The following PCDH17 variants were observed in gnomAD, a reference collection of about 807,000 sequenced individuals.
PCDH17 encodes protocadherin-17.
A neutral mutation model predicts 67.7 loss-of-function variants in PCDH17; 21 were observed. That is an observed-to-expected ratio of 0.31 (90% CI 0.22 to 0.45). The LOEUF is 0.45. PCDH17 is among the 20% of genes least tolerant of loss of function. The pLI, the probability that PCDH17 is intolerant of heterozygous loss-of-function variation, is 1.00. For synonymous variants in PCDH17, 701 were observed against 656.7 expected (o/e 1.07, Z -1.03); for missense variants, 1,471 against 1,564.8 (o/e 0.94, Z 1.01).
intron 3 of PCDH17, among the ~76,000 whole-genome samples, chr13:57,668,806 T>C (rs1207896209): frequency 6.6e-6 from 1 of 152,216 alleles, no homozygotes; most frequent in East Asian, 1.9e-4. Flanking sequence ...GAATTATGTG[T>C]AAAAGACTGG....
intron 3 of PCDH17, among the ~76,000 whole-genome samples, chr13:57,686,583 A>G (rs1177817146): frequency 6.6e-6 from 1 of 151,970 alleles, no homozygotes; most frequent in Non-Finnish European, 1.5e-5. Flanking sequence ...TGAAGGTTTG[A>G]GGTAGTTTGC....
intron 3 of PCDH17, among the ~76,000 whole-genome samples, chr13:57,707,545 C>A (rs988962767): frequency 6.6e-6 from 1 of 152,042 alleles, no homozygotes; most frequent in African/African-American, 2.4e-5. Context: ...TCTAAAGCCA[C>A]TTCTACATTT....
intron 1 of PCDH17, among the ~76,000 whole-genome samples, chr13:57,649,303 A>C (rs1273628683): frequency 6.6e-6 from 1 of 152,140 alleles, no homozygotes; most frequent in Non-Finnish European, 1.5e-5. Flanking sequence ...GAAATGGAAA[A>C]AGGAGAATCC....
intron 3 of PCDH17, among the ~76,000 whole-genome samples, chr13:57,680,064 C>A (rs74079916): frequency 1.9e-3 from 287 of 151,290 alleles, no homozygotes; most frequent in African/African-American, 6.5e-3. Flanking sequence ...TGTTTGCCTT[C>A]AAAGTGTTTT....
At chr13:57,648,634 C>G (rs992216888) in intron 1 of PCDH17, among the ~76,000 whole-genome samples, 1 of 151,978 alleles carries the variant, frequency 6.6e-6, no homozygotes, top group African/African-American at 2.4e-5. Context: ...TGTTCAACTT[C>G]ATTAACATTT....
Position 57,641,570 on chromosome 13 carries a change from AAAAAAAAAAAAAAAAAAAT to A in PCDH17, c.2565+6461_2565+6479del, listed in dbSNP as rs1476025915. ...ACAGTGTTTGAGAGAAAAAAAAAAA[AAAAAAAAAAAAAAAAAAAT>A]ATATATATATATATATATATATATA... On this transcript the variant is annotated intron_variant, in intron 1 of 3. Coordinates refer to ENST00000377918, the MANE Select transcript of PCDH17 (RefSeq NM_001040429.3). Among the ~76,000 whole-genome samples the A allele has an allele frequency of 3.2e-4, 8 of 25,198 alleles. No homozygotes were observed. In the South Asian group the frequency reaches 6.6e-3, roughly 21 times the overall value. 16.5% of individuals were successfully genotyped at this position (25,198 alleles called of 152,430 possible).
intron 3 of PCDH17, among the ~76,000 whole-genome samples, chr13:57,695,579 A>G (rs1263548862): frequency 2.0e-5 from 3 of 151,290 alleles, no homozygotes; most frequent in South Asian, 2.1e-4. Context: ...AGCTATTTTA[A>G]TGAAAATCAA....
In PCDH17 at chr13:57,634,921, C is replaced by G. The variant is rs765041030; in HGVS notation, c.2375C>G (p.Ala792Gly). 6.2e-7 allele frequency: 1 copy of G among 1,613,866 alleles called. No individual in the cohort carries two copies. Among genetic ancestry groups the G allele is most frequent in the Admixed American group, 1.7e-5 (1 of 60,014 alleles). ...VMNVVSSPSLATSPMYFDYQT... is the reference protein window; with the variant it reads ...VMNVVSSPSLGTSPMYFDYQT... ...AACGTGGTGAGCAGCCCCTCCCTGG[C>G]CACCTCCCCCATGTACTTCGACTAC... Residue 792 changes from alanine to glycine, a missense_variant, in exon 1 of 4, where the codon GCC becomes GGC. Physicochemically the swap from Ala to Gly is moderately conservative, Grantham distance 60 (BLOSUM62 0). Coordinates refer to ENST00000377918, the MANE Select transcript of PCDH17 (RefSeq NM_001040429.3). This position sits in a 1 kb window ranked among gnomAD's most constrained non-coding sequence, Gnocchi z 7.8.
intron 1 of PCDH17, among the ~76,000 whole-genome samples, chr13:57,643,362 T>C (rs1345411716): frequency 6.6e-6 from 1 of 151,696 alleles, no homozygotes; most frequent in East Asian, 1.9e-4. Context: ...TTTAAAAGAA[T>C]ATTTTTCAGT....
intron 3 of PCDH17, among the ~76,000 whole-genome samples, chr13:57,723,366 A>C (rs1445365054): frequency 6.6e-6 from 1 of 152,182 alleles, no homozygotes; most frequent in African/African-American, 2.4e-5. Flanking sequence ...ACATGCTTTA[A>C]GTATAAATTT....
At chr13:57,649,929 T>C (rs532581036) in intron 1 of PCDH17, among the ~76,000 whole-genome samples, 1 of 152,250 alleles carries the variant, frequency 6.6e-6, no homozygotes, top group Non-Finnish European at 1.5e-5. Context: ...GAGAGAGGAA[T>C]ACCCTATTTT....
At chr13:57,662,187 G>A (rs1943593817) in intron 1 of PCDH17, among the ~76,000 whole-genome samples, 1 of 152,082 alleles carries the variant, frequency 6.6e-6, no homozygotes, top group South Asian at 2.1e-4. Flanking sequence ...TCTTAAAAGA[G>A]AGTAGTGTAA....
chr13:57,641,660 A>T (rs1302172132), intron 1 of PCDH17, among the ~76,000 whole-genome samples: 1 of 136,416 alleles, frequency 7.3e-6, no homozygotes, highest in East Asian at 2.2e-4. Context: ...TCCTAGTGAC[A>T]TTCTGATTAC....
chr13:57,707,333 CCGTGTG>C (rs1257534387), intron 3 of PCDH17, among the ~76,000 whole-genome samples: 6 of 89,500 alleles, frequency 6.7e-5, no homozygotes, highest in Middle Eastern at 5.7e-3. Context: ...TGATATATGA[CCGTGTG>C]TGTGTGTGTG....
At position 57,634,992 on chromosome 13, in the gene PCDH17, C is replaced by A. The variant is rs187652573; in HGVS notation, c.2446C>A (p.Leu816Ile). 1 of 1,613,828 alleles carries A rather than the reference C, an allele frequency of 6.2e-7. No homozygotes were observed. The highest frequency in any genetic ancestry group is 2.2e-5 in the East Asian group (1 of 44,860). Reference sequence around the variant, plus strand: ...CTCGCCCCGGTCGGAGGTGATGTATCTCAAACCGGCCTCCAACAACCTGAC... The same window carrying A: ...CTCGCCCCGGTCGGAGGTGATGTATATCAAACCGGCCTCCAACAACCTGAC... Reference protein sequence around the residue: ...LSSPRSEVMYLKPASNNLTVP... With the variant: ...LSSPRSEVMYIKPASNNLTVP... Residue 816 changes from leucine to isoleucine, a missense_variant, in exon 1 of 4, where the codon CTC becomes ATC. Transcript: ENST00000377918. The surrounding 1 kb of genome is among the most constrained non-coding windows in gnomAD (Gnocchi z 7.8).
chr13:57,719,179 A>G (rs1044896837), intron 3 of PCDH17, among the ~76,000 whole-genome samples: 5 of 152,080 alleles, frequency 3.3e-5, no homozygotes, highest in African/African-American at 1.2e-4. Flanking sequence ...CTGGACTTCC[A>G]TTTATAGAGT....
intron 3 of PCDH17, among the ~76,000 whole-genome samples, chr13:57,694,922 T>A (rs1343385462): frequency 6.6e-6 from 1 of 151,178 alleles, no homozygotes; most frequent in African/African-American, 2.4e-5. Flanking sequence ...TGGGTCAGGA[T>A]GTTTCTGTAA....
intron 1 of PCDH17, among the ~76,000 whole-genome samples, chr13:57,652,356 T>C (rs953640617): frequency 6.6e-6 from 1 of 151,822 alleles, no homozygotes; most frequent in African/African-American, 2.4e-5. Context: ...TTAATTTTAC[T>C]ACAAATTTCA....
chr13:57,694,291 T>C (rs1326287046), intron 3 of PCDH17, among the ~76,000 whole-genome samples: 1 of 151,286 alleles, frequency 6.6e-6, no homozygotes, highest in Admixed American at 6.6e-5. Context: ...AATTGCTACA[T>C]TATAATAGCT....
Sources: allele counts gnomAD v4.1 joint callset (sites outside exome capture counted in the v4.1 genomes callset), GRCh38; gene constraint gnomAD v4.1.1; non-coding constraint Gnocchi (gnomAD v3.1); transcripts MANE v1.5; gene names NCBI Gene and HGNC (gene_info 2026-07-23, HGNC 2026-07-21).